Variants in PARD3B observed in about 807,000 individuals in gnomAD.
PARD3B encodes par-3 family cell polarity regulator beta.
Under a neutral mutation model 130.2 loss-of-function variants are expected in PARD3B, and 103 were observed. The observed-to-expected ratio is 0.79, with a 90% CI of 0.67 to 0.93. The LOEUF is 0.93. Among genes scored for constraint, PARD3B ranks in the 40% least tolerant of loss-of-function variants. PARD3B has a pLI of 0.00. For synonymous variants in PARD3B, 583 were observed against 553.2 expected, an observed-to-expected ratio of 1.05 and a Z score of -0.76; for missense variants, 1,609 against 1,499.2, an observed-to-expected ratio of 1.07 and a Z score of -1.21.
chr2:205,615,222 C>T (rs2055380915), intron 22 of PARD3B, among the ~76,000 whole-genome samples: 1 of 152,186 alleles, frequency 6.6e-6, no homozygotes, highest in African/African-American at 2.4e-5. Context: ...CCTCCCATAG[C>T]ACGTGGTTTT....
intron 1 of PARD3B, among the ~76,000 whole-genome samples, chr2:204,648,698 T>G (rs35796049): frequency 5.0e-4 from 45 of 90,496 alleles, no homozygotes; most frequent in East Asian, 3.4e-3. Flanking sequence ...ATTTATAATA[T>G]ATATCATATA....
intron 2 of PARD3B, among the ~76,000 whole-genome samples, chr2:204,743,174 A>G (rs953337762): frequency 2.6e-5 from 4 of 152,204 alleles, no homozygotes; most frequent in African/African-American, 9.6e-5. Context: ...AATGTTGGTT[A>G]AATGAATGAA....
chr2:205,509,858 C>G (rs182349053), intron 21 of PARD3B, among the ~76,000 whole-genome samples: 2 of 152,208 alleles, frequency 1.3e-5, no homozygotes, highest in Non-Finnish European at 2.9e-5. Context: ...CCAAAGGAAG[C>G]CTTTTGTTTC....
intron 2 of PARD3B, among the ~76,000 whole-genome samples, chr2:204,898,876 C>A (rs1430282553): frequency 6.6e-6 from 1 of 151,874 alleles, no homozygotes; most frequent in Non-Finnish European, 1.5e-5. Context: ...ATATAATGAC[C>A]TTTGTCTCTT....
At chr2:204,733,157 C>G (rs544194545) in intron 2 of PARD3B, among the ~76,000 whole-genome samples, 1 of 148,104 alleles carries the variant, frequency 6.8e-6, no homozygotes, top group Non-Finnish European at 1.5e-5. Context: ...GAATTTTGAG[C>G]ATCAAAAAAG....
chr2:205,121,837 G>C lies in PARD3B; in HGVS notation c.1053G>C (p.Lys351Asn). The C allele has an allele frequency of 6.2e-7, 1 of 1,614,078 alleles. No individual in the cohort carries two copies. Among genetic ancestry groups the C allele is most frequent in the Non-Finnish European group, 8.5e-7 (1 of 1,180,014 alleles). The change falls in exon 8 of 23, where the codon AAG becomes AAC. Residue 351 changes from lysine (K) to asparagine (N), a missense_variant. Transcript: ENST00000406610. This position sits in a 1 kb window ranked among gnomAD's most constrained non-coding sequence, Gnocchi z 5.0. Reference sequence around the variant, plus strand: ...CATCAGCTTCCCTGCAACAAAACAAGAGTCCCCGAGTACCAAGGCTGGGAG... The same window carrying C: ...CATCAGCTTCCCTGCAACAAAACAACAGTCCCCGAGTACCAAGGCTGGGAG... ...TDASASLQQN[K>N]SPRVPRLGGK...
intron 10 of PARD3B, among the ~76,000 whole-genome samples, chr2:205,150,215 G>C (rs2033649690): frequency 9.8e-6 from 1 of 101,978 alleles, no homozygotes; most frequent in African/African-American, 4.6e-5. Context: ...CAGGCTCTGT[G>C]TGTGTGTGTG....
chr2:205,032,770 A>G (rs1041122618), intron 3 of PARD3B, among the ~76,000 whole-genome samples: 3 of 152,194 alleles, frequency 2.0e-5, no homozygotes, highest in East Asian at 1.9e-4. Context: ...TAGAGATAAC[A>G]GTGGCTCCAA....
chr2:204,692,332 C>G (rs2037392962), intron 2 of PARD3B, among the ~76,000 whole-genome samples: 1 of 152,052 alleles, frequency 6.6e-6, no homozygotes, highest in Admixed American at 6.6e-5. Context: ...AAAAACTCCT[C>G]TTTTAAATTT....
rs1355273242 is a variant in PARD3B at position 205,078,312 on chromosome 2, A to G, written c.505-26114A>G. On this transcript the variant is annotated intron_variant, in intron 4 of 22. Transcript: ENST00000406610. This position sits in a 1 kb window ranked among gnomAD's most constrained non-coding sequence, Gnocchi z 4.0. Reference sequence around the variant, plus strand: ...ATGTGACAGAGCAATTTAGTATTGTAGGTTCACTCAATGGCTATCGCAGCA... The same window carrying G: ...ATGTGACAGAGCAATTTAGTATTGTGGGTTCACTCAATGGCTATCGCAGCA... Among the ~76,000 whole-genome samples, 1 of 152,176 alleles carries G rather than the reference A, an allele frequency of 6.6e-6. No homozygotes were observed. The highest frequency in any genetic ancestry group is 1.5e-5 in the Non-Finnish European group (1 of 68,022).
At chr2:204,608,744 T>C (rs1277400198) in intron 1 of PARD3B, among the ~76,000 whole-genome samples, 1 of 152,194 alleles carries the variant, frequency 6.6e-6, no homozygotes, top group East Asian at 1.9e-4. Flanking sequence ...TCCTCCCTGC[T>C]CCTGCATATG....
chr2:204,902,371 T>C (rs1348047695), intron 2 of PARD3B, among the ~76,000 whole-genome samples: 1 of 151,748 alleles, frequency 6.6e-6, no homozygotes, highest in African/African-American at 2.4e-5. Context: ...TTTTAAGTTG[T>C]ATAAAGAATG....
intron 11 of PARD3B, among the ~76,000 whole-genome samples, chr2:205,166,781 G>A (rs1479339488): frequency 6.6e-6 from 1 of 152,110 alleles, no homozygotes; most frequent in African/African-American, 2.4e-5. Flanking sequence ...TCTTGCCTGG[G>A]GTCCAGCCCT....
chr2:205,215,858 G>T (rs2037880973), intron 15 of PARD3B, among the ~76,000 whole-genome samples: 1 of 151,858 alleles, frequency 6.6e-6, no homozygotes, highest in African/African-American at 2.4e-5. Context: ...AGCAATAAGA[G>T]AATTAGTGAA....
intron 3 of PARD3B, among the ~76,000 whole-genome samples, chr2:205,023,510 T>C (rs1331478846): frequency 6.6e-6 from 1 of 150,686 alleles, no homozygotes; most frequent in African/African-American, 2.5e-5. Flanking sequence ...ATGTATTTAT[T>C]TTTATTTTTA....
At chr2:205,054,427 TATATATA>T (rs1559393083) in intron 4 of PARD3B, among the ~76,000 whole-genome samples, 8 of 24,736 alleles carry the variant, frequency 3.2e-4, no homozygotes, top group African/African-American at 7.9e-4. Context: ...TATATATATA[TATATATA>T]TATTTTTTTT....
At chr2:205,068,534 C>T (rs1700529877) in intron 4 of PARD3B, among the ~76,000 whole-genome samples, 2 of 151,306 alleles carry the variant, frequency 1.3e-5, no homozygotes, top group Non-Finnish European at 2.9e-5. Context: ...CTTTTATTTC[C>T]TTTATTTTAG....
Position 205,244,423 on chromosome 2 carries a change from T to A in PARD3B, c.2141-1355T>A, listed in dbSNP as rs1299232733. ...AAAGTGATGATCTATGCAGAGATGC[T>A]TAAGGATTAAGAACTTTGCATCTGT... On this transcript the variant is annotated intron_variant, in intron 15 of 22. Coordinates refer to ENST00000406610, the MANE Select transcript of PARD3B (RefSeq NM_001302769.2). The surrounding 1 kb of genome is among the most constrained non-coding windows in gnomAD (Gnocchi z 4.7). 2.0e-5 allele frequency among the ~76,000 whole-genome samples: 3 copies of A among 152,214 alleles called. No individual in the cohort carries two copies. The highest frequency in any genetic ancestry group is 4.4e-5 in the Non-Finnish European group (3 of 68,032).
rs534654949 is a variant in PARD3B, at chr2:205,278,239, T to A, written c.2186-22291T>A. On this transcript the variant is annotated intron_variant, in intron 16 of 22. Transcript: ENST00000406610. Reference sequence around the variant, plus strand: ...TACAGAGAGCAAGGAGAAAGTCGACTTCCTGGATGACACCTCTGGGTTCTC... The same window carrying A: ...TACAGAGAGCAAGGAGAAAGTCGACATCCTGGATGACACCTCTGGGTTCTC... Among the ~76,000 whole-genome samples the A allele has an allele frequency of 2.6e-5, 4 of 152,294 alleles. 1 individual carries two copies. Among genetic ancestry groups the A allele is most frequent in the African/African-American group, 9.6e-5 (4 of 41,572 alleles).
Sources: gnomAD v4.1 joint callset for allele counts (sites outside exome capture counted in the v4.1 genomes callset) on GRCh38, gnomAD v4.1.1 for gene constraint, Gnocchi (gnomAD v3.1) non-coding constraint, MANE v1.5 for transcripts, NCBI Gene and HGNC (gene_info 2026-07-23, HGNC 2026-07-21) for gene names.